Variants in CDH12 observed in about 807,000 individuals in gnomAD.
CDH12 encodes cadherin 12, also known as cadherin-12.
CDH12 carries 41 observed loss-of-function variants against 74.1 expected under a neutral mutation model. That is an observed-to-expected ratio of 0.55 (90% confidence interval 0.43 to 0.72). CDH12 has a LOEUF of 0.72. Among genes scored for constraint, CDH12 ranks in the 30% least tolerant of loss-of-function variants. The pLI is 0.00. For missense variants in CDH12, 945 were observed against 977.2 expected (o/e 0.97, Z 0.44); for synonymous variants, 399 against 355.0 (o/e 1.12, Z -1.39).
intron 6 of CDH12, among the ~76,000 whole-genome samples, chr5:21,895,814 A>G (rs1292757030): frequency 1.3e-5 from 2 of 152,176 alleles, no homozygotes; most frequent in African/African-American, 4.8e-5. Flanking sequence ...CCTTCAAATA[A>G]CTGTGCATGA....
chr5:22,578,087 G>T (rs112919357), intron 1 of CDH12, among the ~76,000 whole-genome samples: 16 of 152,194 alleles, frequency 1.1e-4, no homozygotes, highest in South Asian at 1.0e-3. Context: ...TTCAAGTATT[G>T]TCATCACTCT....
chr5:22,705,910 TATA>T (rs1742984000), intron 1 of CDH12, among the ~76,000 whole-genome samples: 1 of 152,094 alleles, frequency 6.6e-6, no homozygotes, highest in African/African-American at 2.4e-5. Flanking sequence ...TACAAAATGC[TATA>T]ATAAGGTGAA....
At chr5:22,735,306 A>G (rs897518194) in intron 1 of CDH12, among the ~76,000 whole-genome samples, 1 of 151,886 alleles carries the variant, frequency 6.6e-6, no homozygotes, top group African/African-American at 2.4e-5. Context: ...AGTTTTTATG[A>G]GAAACTAGCC....
chr5:21,891,722 T>C (rs1045782230), intron 6 of CDH12, among the ~76,000 whole-genome samples: 1 of 152,064 alleles, frequency 6.6e-6, no homozygotes, highest in Non-Finnish European at 1.5e-5. Context: ...TAGGAGACAA[T>C]CAATGTTTTC....
At chr5:22,486,218 A>T (rs1008802977) in intron 2 of CDH12, among the ~76,000 whole-genome samples, 5 of 152,276 alleles carry the variant, frequency 3.3e-5, no homozygotes, top group East Asian at 3.9e-4. Context: ...TTCTAGTTAT[A>T]GTCTCAGAAA....
chr5:22,022,484 C>CT (rs945814045), intron 5 of CDH12, among the ~76,000 whole-genome samples: 25 of 151,452 alleles, frequency 1.7e-4, no homozygotes, highest in South Asian at 6.3e-4. Context: ...AATTAAACTT[C>CT]TTTTTTTTTA....
At chr5:21,770,464 A>T (rs1018936676) in intron 11 of CDH12, among the ~76,000 whole-genome samples, 3 of 152,078 alleles carry the variant, frequency 2.0e-5, no homozygotes, top group Admixed American at 1.3e-4. Flanking sequence ...TCTCTACTAG[A>T]AATACAAAAA....
At chr5:22,565,417 T>A (rs2126756947) in intron 1 of CDH12, among the ~76,000 whole-genome samples, 1 of 152,298 alleles carries the variant, frequency 6.6e-6, no homozygotes, top group East Asian at 1.9e-4. Context: ...ACAAGGTGTG[T>A]TCAAAATATC....
At chr5:22,225,484 G>C (rs1752164509) in intron 3 of CDH12, among the ~76,000 whole-genome samples, 1 of 152,114 alleles carries the variant, frequency 6.6e-6, no homozygotes, top group South Asian at 2.1e-4. Context: ...TTAGAACTTT[G>C]CCACAAGCTT....
At chr5:22,416,433 A>G (rs1260761937) in intron 2 of CDH12, among the ~76,000 whole-genome samples, 1 of 152,134 alleles carries the variant, frequency 6.6e-6, no homozygotes, top group Non-Finnish European at 1.5e-5. Context: ...GTGGACATCT[A>G]TATACTACGT....
At chr5:22,001,588 A>G (rs1476558880) in intron 5 of CDH12, among the ~76,000 whole-genome samples, 9 of 152,170 alleles carry the variant, frequency 5.9e-5, no homozygotes, top group African/African-American at 1.7e-4. Flanking sequence ...TTCATCACCC[A>G]GGTTATAGGC....
At chr5:22,038,227 C>T (rs1349227411) in intron 5 of CDH12, among the ~76,000 whole-genome samples, 1 of 152,152 alleles carries the variant, frequency 6.6e-6, no homozygotes. Context: ...TTCACTACAG[C>T]AGAACCACCT....
chr5:22,809,251 T>C (rs1315369579), intron 1 of CDH12, among the ~76,000 whole-genome samples: 1 of 152,030 alleles, frequency 6.6e-6, no homozygotes, highest in Non-Finnish European at 1.5e-5. Context: ...AGTTGCTATT[T>C]TGAGAAAGTT....
intron 1 of CDH12, among the ~76,000 whole-genome samples, chr5:22,568,596 T>G (rs1340843295): frequency 6.6e-6 from 1 of 152,136 alleles, no homozygotes; most frequent in Non-Finnish European, 1.5e-5. Context: ...GACAACTACT[T>G]TAAAAATAGA....
At chr5:22,671,568 A>T (rs535366083) in intron 1 of CDH12, among the ~76,000 whole-genome samples, 1 of 152,240 alleles carries the variant, frequency 6.6e-6, no homozygotes, top group Non-Finnish European at 1.5e-5. Flanking sequence ...ATTTCTTTGG[A>T]TGTTGCCATG....
intron 1 of CDH12, among the ~76,000 whole-genome samples, chr5:22,614,361 T>G (rs567461290): frequency 1.5e-4 from 20 of 136,266 alleles, no homozygotes; most frequent in African/African-American, 5.5e-4. Flanking sequence ...AGGAGAATTG[T>G]GGACAGGAAT....
chr5:22,039,508 G>A (rs62349096), intron 5 of CDH12, among the ~76,000 whole-genome samples: 1 of 152,192 alleles, frequency 6.6e-6, no homozygotes, highest in African/African-American at 2.4e-5. Flanking sequence ...CTACATCCTA[G>A]TACCTAATGC....
chr5:22,336,147 A>C (rs2150449797), intron 3 of CDH12, among the ~76,000 whole-genome samples: 1 of 152,274 alleles, frequency 6.6e-6, no homozygotes, highest in South Asian at 2.1e-4. Context: ...GAAACTTTGA[A>C]CTTGAGAGAG....
In CDH12 at chr5:22,117,478, T is replaced by TAATATATATAA. The variant is rs1554012020; in HGVS notation, c.-186-38617_-186-38616insTTATATATATT. Among the ~76,000 whole-genome samples the TAATATATATAA allele has an allele frequency of 1.6e-3, 111 of 68,284 alleles. 1 individual carries two copies. Among genetic ancestry groups the TAATATATATAA allele is most frequent in the African/African-American group, 6.6e-3 (108 of 16,346 alleles). The allele number at this position is 68,284 out of a possible 152,430, so 44.8% of individuals were successfully genotyped here. On this transcript the variant is annotated intron_variant, in intron 4 of 14. Coordinates refer to ENST00000382254, the MANE Select transcript of CDH12 (RefSeq NM_004061.5). ...ATATATTATATATATAATATATATA[T>TAATATATATAA]TATATATATATTATATATATATAAT...
Sources: gnomAD v4.1 joint callset for allele counts (sites outside exome capture counted in the v4.1 genomes callset) on GRCh38, gnomAD v4.1.1 for gene constraint, MANE v1.5 for transcripts, NCBI Gene and HGNC (gene_info 2026-07-23, HGNC 2026-07-21) for gene names.